SLC24A2: variants seen among roughly 807,000 people sequenced by gnomAD.
SLC24A2 encodes sodium/potassium/calcium exchanger 2.
SLC24A2 carries 36 observed loss-of-function variants against 62.0 expected under a neutral mutation model. The ratio of observed to expected loss-of-function variants is 0.58; its 90% CI spans 0.44 to 0.77. SLC24A2 has a LOEUF of 0.77. Among genes scored for constraint, SLC24A2 ranks in the 30% least tolerant of loss-of-function variants. The pLI, the probability that SLC24A2 is intolerant of heterozygous loss-of-function variation, is 0.00. For missense variants in SLC24A2, 846 were observed against 817.9 expected (o/e 1.03, Z -0.42); for synonymous variants, 358 against 294.0 (o/e 1.22, Z -2.23).
the SLC24A2 span, among the ~76,000 whole-genome samples, chr9:20,237,000 C>G: frequency 6.6e-6 from 1 of 151,904 alleles, no homozygotes; most frequent in African/African-American, 2.4e-5. Context: ...AATAAGCAAG[C>G]AGAAGCCAGG....
chr9:20,134,265 A>G, the SLC24A2 span, among the ~76,000 whole-genome samples: 3 of 152,212 alleles, frequency 2.0e-5, no homozygotes, highest in African/African-American at 7.2e-5. Flanking sequence ...TTACAAAGAT[A>G]GATATATATC....
the SLC24A2 span, among the ~76,000 whole-genome samples, chr9:20,275,893 T>C: frequency 6.6e-6 from 1 of 151,874 alleles, no homozygotes; most frequent in African/African-American, 2.4e-5. Flanking sequence ...AACTCTCAGG[T>C]CTCGCGAGAC....
chr9:20,117,496 G>A, the SLC24A2 span, among the ~76,000 whole-genome samples: 1 of 152,102 alleles, frequency 6.6e-6, no homozygotes, highest in East Asian at 1.9e-4. Context: ...AGAGAGTACT[G>A]GAGAAAAGAT....
the SLC24A2 span, among the ~76,000 whole-genome samples, chr9:20,191,420 G>A: frequency 4.6e-5 from 7 of 151,916 alleles, no homozygotes; most frequent in South Asian, 2.1e-4. Flanking sequence ...CATGATTTAT[G>A]GGACCATAAT....
At chr9:19,720,700 C>CA (rs11455984) in intron 2 of SLC24A2, among the ~76,000 whole-genome samples, 74,453 of 136,614 alleles carry the variant, frequency 0.54, 20,461 homozygotes, top group East Asian at 0.65. Context: ...CCCCCCCCCC[C>CA]AAAAAAAATC....
chr9:20,105,300 G>A, the SLC24A2 span, among the ~76,000 whole-genome samples: 1 of 152,084 alleles, frequency 6.6e-6, no homozygotes, highest in East Asian at 1.9e-4. Context: ...GAGACAGAAA[G>A]TCAACAAGGA....
At chr9:19,989,510 T>G in the SLC24A2 span, among the ~76,000 whole-genome samples, 1 of 152,212 alleles carries the variant, frequency 6.6e-6, no homozygotes, top group Non-Finnish European at 1.5e-5. Context: ...AAGAGTTTGT[T>G]AAAGTGGATG....
chr9:19,562,931 C>CTAT (rs1414462420), intron 7 of SLC24A2, among the ~76,000 whole-genome samples: 1 of 152,110 alleles, frequency 6.6e-6, no homozygotes, highest in Non-Finnish European at 1.5e-5. Flanking sequence ...ACAGCAAGAA[C>CTAT]TATTTCTACA....
the SLC24A2 span, chr9:19,928,582 G>A: frequency 6.6e-6 from 1 of 152,186 alleles, no homozygotes; most frequent in African/African-American, 2.4e-5. Context: ...GTTCCAGTCA[G>A]AAGAAAAGAC....
the SLC24A2 span, among the ~76,000 whole-genome samples, chr9:19,910,592 T>C: frequency 2.0e-5 from 3 of 152,116 alleles, no homozygotes; most frequent in African/African-American, 7.2e-5. Context: ...CTCTCTCTAC[T>C]TGCAGGTCTC....
chr9:19,567,566 G>T (rs1431949090), intron 7 of SLC24A2, among the ~76,000 whole-genome samples: 1 of 9,640 alleles, frequency 1.0e-4, no homozygotes, highest in African/African-American at 1.9e-4. Flanking sequence ...AAAAAAAAAG[G>T]TAAGGAATAT....
chr9:19,661,265 A>G lies in SLC24A2; in HGVS notation c.931-38966T>C, dbSNP rs375350924. 4.0e-5 allele frequency among the ~76,000 whole-genome samples: 6 copies of G among 151,554 alleles called. No homozygotes were observed. The South Asian group carries it at 1.0e-3, about 26-fold the overall frequency. ...TCACCCATGACTTATCTATTCCCAT[A>G]TTAACATATTTTTGCATATTTGTTA... On this transcript the variant is annotated intron_variant, in intron 2 of 10. Transcript: ENST00000341998.
At chr9:19,776,199 T>A (rs1822841283) in intron 2 of SLC24A2, among the ~76,000 whole-genome samples, 1 of 152,194 alleles carries the variant, frequency 6.6e-6, no homozygotes, top group African/African-American at 2.4e-5. Flanking sequence ...AAAGTGAATC[T>A]AATTTGGAGG....
intron 8 of SLC24A2, among the ~76,000 whole-genome samples, chr9:19,535,980 A>G (rs1833952521): frequency 6.6e-6 from 1 of 150,876 alleles, no homozygotes. Flanking sequence ...ATGAGCAGGC[A>G]TGTTGTTCCA....
intron 7 of SLC24A2, among the ~76,000 whole-genome samples, chr9:19,553,434 T>C (rs1370093300): frequency 6.6e-6 from 1 of 152,214 alleles, no homozygotes; most frequent in African/African-American, 2.4e-5. Flanking sequence ...CAAATGGCTT[T>C]TGATATGAGG....
At chr9:20,192,065 A>C in the SLC24A2 span, among the ~76,000 whole-genome samples, 1 of 152,206 alleles carries the variant, frequency 6.6e-6, no homozygotes, top group Non-Finnish European at 1.5e-5. Context: ...GAAAGTGTGA[A>C]TATCCTAATT....
intron 2 of SLC24A2, among the ~76,000 whole-genome samples, chr9:19,709,828 C>A (rs1280869986): frequency 6.6e-6 from 1 of 151,490 alleles, no homozygotes; most frequent in Non-Finnish European, 1.5e-5. Context: ...TGCAGCACAA[C>A]AACATGGCAC....
the SLC24A2 span, among the ~76,000 whole-genome samples, chr9:20,259,219 G>T: frequency 9.9e-5 from 15 of 152,214 alleles, no homozygotes; most frequent in African/African-American, 3.1e-4. Context: ...CTTGATTTTA[G>T]CCCAGTGAGA....
At chr9:20,022,775 GC>G in the SLC24A2 span, among the ~76,000 whole-genome samples, 14,637 of 152,154 alleles carry the variant, frequency 0.096, 1,098 homozygotes, top group East Asian at 0.4. Flanking sequence ...CTATTATCCT[GC>G]CTTGAATGGC....
Sources: gnomAD v4.1 joint callset for allele counts (sites outside exome capture counted in the v4.1 genomes callset) on GRCh38, gnomAD v4.1.1 for gene constraint, MANE v1.5 for transcripts, NCBI Gene and HGNC (gene_info 2026-07-23, HGNC 2026-07-21) for gene names.